Variants in JAK2 observed in about 807,000 individuals in gnomAD.
JAK2 encodes the protein tyrosine-protein kinase JAK2.
Under a neutral mutation model 139.3 loss-of-function variants are expected in JAK2, and 86 were observed. The observed-to-expected ratio is 0.62, with a 90% CI of 0.52 to 0.74. JAK2 has a LOEUF of 0.74. Among genes scored for constraint, JAK2 ranks in the 30% least tolerant of loss-of-function variants. JAK2 has a pLI of 0.00. For missense variants in JAK2, 1,421 were observed against 1,360.3 expected (o/e 1.04, Z -0.70); for synonymous variants, 490 against 437.7 (o/e 1.12, Z -1.49).
At chr9:5,053,849 C>T (rs760953339) in intron 6 of JAK2, among the ~76,000 whole-genome samples, 20 of 151,612 alleles carry the variant, frequency 1.3e-4, no homozygotes, top group Admixed American at 7.9e-4. Context: ...TGAGCCTTGT[C>T]GAATGAGTAA....
intron 22 of JAK2, among the ~76,000 whole-genome samples, chr9:5,104,595 G>C (rs571883227): frequency 8.5e-5 from 13 of 152,254 alleles, no homozygotes; most frequent in Admixed American, 7.8e-4. Context: ...AAGCCTAGCA[G>C]AGACACCACA....
intron 5 of JAK2, among the ~76,000 whole-genome samples, chr9:5,045,784 T>A (rs990173767): frequency 2.0e-5 from 3 of 152,246 alleles, no homozygotes; most frequent in African/African-American, 7.2e-5. Context: ...TTCCATTGCA[T>A]ATGTATACTG....
chr9:5,069,240 C>T, intron 11 of JAK2, 32 bp downstream of exon 11: 2 of 1,457,220 alleles, frequency 1.4e-6, no homozygotes, highest in Non-Finnish European at 1.9e-6. Context: ...TTTTAAATTA[C>T]TGGTCATGGA....
chr9:5,082,157 G>GT (rs1819749047), intron 19 of JAK2, among the ~76,000 whole-genome samples: 1 of 152,184 alleles, frequency 6.6e-6, no homozygotes, highest in Non-Finnish European at 1.5e-5. Context: ...CAGGGGACCA[G>GT]TGCTCAGCAT....
At chr9:5,103,130 G>T (rs1821648393) in intron 22 of JAK2, among the ~76,000 whole-genome samples, 1 of 144,112 alleles carries the variant, frequency 6.9e-6, no homozygotes, top group Non-Finnish European at 1.5e-5. Flanking sequence ...ACCCATCACT[G>T]TGCTGTATTC....
At chr9:5,022,283 G>A (rs1022049606) in intron 3 of JAK2, 70 bp downstream of exon 3, 1 of 960,854 alleles carries the variant, frequency 1.0e-6, no homozygotes, top group Non-Finnish European at 1.6e-6. Flanking sequence ...CTAATACTAG[G>A]TACATGCATA....
intron 23 of JAK2, among the ~76,000 whole-genome samples, chr9:5,125,199 A>G (rs1245126790): frequency 6.6e-6 from 1 of 151,180 alleles, no homozygotes; most frequent in East Asian, 1.9e-4. Context: ...TTTGTGTATA[A>G]AAGTATATAC....
chr9:5,029,367 A>T (rs1822991691), intron 3 of JAK2, among the ~76,000 whole-genome samples: 2 of 152,216 alleles, frequency 1.3e-5, no homozygotes, highest in Non-Finnish European at 2.9e-5. Context: ...AATGTCAAAG[A>T]TCACTGATCA....
intron 2 of JAK2, among the ~76,000 whole-genome samples, chr9:4,988,861 T>C (rs1253181025): frequency 6.6e-6 from 1 of 152,238 alleles, no homozygotes; most frequent in Non-Finnish European, 1.5e-5. Context: ...TTAGGCATCA[T>C]CTTTAAACTA....
intron 22 of JAK2, among the ~76,000 whole-genome samples, chr9:5,102,644 A>G (rs1380342856): frequency 3.9e-5 from 6 of 152,220 alleles, no homozygotes; most frequent in Non-Finnish European, 8.8e-5. Context: ...AGCCAGAGAG[A>G]AATGTCGGGT....
chr9:5,006,702 A>G (rs1324569109), intron 2 of JAK2, among the ~76,000 whole-genome samples: 7 of 152,324 alleles, frequency 4.6e-5, no homozygotes, highest in Admixed American at 2.6e-4. Flanking sequence ...CTCACTCACT[A>G]TCATGAGACT....
At chr9:5,043,103 A>T (rs1816733502) in intron 4 of JAK2, among the ~76,000 whole-genome samples, 1 of 152,076 alleles carries the variant, frequency 6.6e-6, no homozygotes, top group African/African-American at 2.4e-5. Context: ...CCGCAGACAA[A>T]ATGCCTTAAA....
rs368066681 is a variant in JAK2, at chr9:5,064,860, T to G, written c.1057-23T>G. ...GAGTTGACTTTCTAAAAGGTGCTAT[T>G]TCTTTTTCTTTTCTCTGCTTAGGAA... On this transcript the variant is annotated intron_variant, in intron 8 of 24. Transcript: ENST00000381652. 1.5e-5 allele frequency: 22 copies of G among 1,498,960 alleles called. No individual in the cohort carries two copies. The Admixed American group carries it at 5.0e-4, about 34-fold the overall frequency. The allele number at this position is 1,498,960 out of a possible 1,614,324, so 92.9% of individuals were successfully genotyped here.
intron 22 of JAK2, chr9:5,112,054 G>T (rs76580972): frequency 0.085 from 34,081 of 400,240 alleles, 1,997 homozygotes; most frequent in Middle Eastern, 0.12. Context: ...AGCTACGACG[G>T]GGGTCTCCAC....
chr9:5,122,620 C>A (rs1033727815), intron 22 of JAK2, among the ~76,000 whole-genome samples: 5 of 152,052 alleles, frequency 3.3e-5, no homozygotes, highest in Middle Eastern at 3.2e-3. Flanking sequence ...GGAAGACTCA[C>A]AGGACTCAGC....
upstream of JAK2, chr9:4,984,520 G>A (rs1819830356): frequency 1.3e-5 from 2 of 152,294 alleles, no homozygotes; most frequent in South Asian, 4.1e-4. Flanking sequence ...TTCCAGCCAA[G>A]GTGGCTGATG....
At chr9:4,994,730 G>C (rs973792425) in intron 2 of JAK2, among the ~76,000 whole-genome samples, 7 of 152,098 alleles carry the variant, frequency 4.6e-5, no homozygotes, top group African/African-American at 1.4e-4. Flanking sequence ...TGTGTGAACT[G>C]TGCTCTGCCA....
At chr9:5,022,438 G>T (rs1051041681) in intron 3 of JAK2, among the ~76,000 whole-genome samples, 4 of 152,050 alleles carry the variant, frequency 2.6e-5, no homozygotes, top group Admixed American at 2.0e-4. Flanking sequence ...ATAAATGTTT[G>T]CTGACTATTC....
intron 22 of JAK2, chr9:5,112,574 G>T (rs1028757426): frequency 1.5e-6 from 1 of 668,360 alleles, no homozygotes; most frequent in East Asian, 2.9e-5. Context: ...GAGCGGCTGC[G>T]GGTCCCTTAA....
Sources: gnomAD v4.1 joint callset for allele counts (sites outside exome capture counted in the v4.1 genomes callset) on GRCh38, gnomAD v4.1.1 for gene constraint, MANE v1.5 for transcripts, NCBI Gene and HGNC (gene_info 2026-07-23, HGNC 2026-07-21) for gene names.